Variants in GRM7 observed in about 807,000 individuals in gnomAD.
GRM7 encodes the protein glutamate metabotropic receptor 7.
GRM7 carries 35 observed loss-of-function variants against 84.5 expected under a neutral mutation model. That is an observed-to-expected ratio of 0.41 (90% confidence interval 0.32 to 0.55). The LOEUF is 0.55. GRM7 is among the 20% of genes least tolerant of loss of function. The pLI is 0.19. For synonymous variants in GRM7, 487 were observed against 455.1 expected, an observed-to-expected ratio of 1.07 and a Z score of -0.89; for missense variants, 1,003 against 1,194.6, an observed-to-expected ratio of 0.84 and a Z score of 2.36.
intron 4 of GRM7, among the ~76,000 whole-genome samples, chr3:7,409,637 G>T (rs1047942541): frequency 6.6e-6 from 1 of 152,084 alleles, no homozygotes; most frequent in African/African-American, 2.4e-5. Flanking sequence ...GTCCCGCTCT[G>T]TCGCCCAGGC....
rs552992656 is a variant in GRM7 at position 7,080,652 on chromosome 3, G to A, written c.520-65800G>A. 5.3e-5 allele frequency among the ~76,000 whole-genome samples: 8 copies of A among 151,144 alleles called. No individual in the cohort carries two copies. The South Asian group carries it at 1.5e-3, about 28-fold the overall frequency. Reference sequence around the variant, plus strand: ...GACATATATGTATATATGTGTGTATGCATATATATAAACACGCACATGTGT... The same window carrying A: ...GACATATATGTATATATGTGTGTATACATATATATAAACACGCACATGTGT... On this transcript the variant is annotated intron_variant, in intron 1 of 9. Coordinates refer to ENST00000357716, the MANE Select transcript of GRM7 (RefSeq NM_000844.4).
At chr3:7,067,997 G>A (rs1439962508) in intron 1 of GRM7, among the ~76,000 whole-genome samples, 1 of 151,870 alleles carries the variant, frequency 6.6e-6, no homozygotes, top group Non-Finnish European at 1.5e-5. Context: ...CAGAACAACT[G>A]CCATCCTGTA....
At chr3:7,664,591 A>G (rs181704254) in intron 8 of GRM7, among the ~76,000 whole-genome samples, 3 of 152,304 alleles carry the variant, frequency 2.0e-5, no homozygotes, top group East Asian at 1.9e-4. Context: ...TACACGTGCA[A>G]TGGTGGTTTA....
rs140574490 is a variant in GRM7, at chr3:7,237,565, C to T, written c.737-61119C>T. On this transcript the variant is annotated intron_variant, in intron 2 of 9. Coordinates refer to ENST00000357716, the MANE Select transcript of GRM7 (RefSeq NM_000844.4). ...GTTCCTTCTGATATTCAGATGTGTC[C>T]GGAGTTTCTTCCTTCTGGTGGGTTC... 4.2e-3 allele frequency among the ~76,000 whole-genome samples: 646 copies of T among 152,170 alleles called. 2 individuals carry two copies. Among genetic ancestry groups the T allele is most frequent in the African/African-American group, 0.015 (612 of 41,524 alleles).
At chr3:7,357,413 G>T (rs903479364) in intron 4 of GRM7, among the ~76,000 whole-genome samples, 1 of 151,866 alleles carries the variant, frequency 6.6e-6, no homozygotes, top group African/African-American at 2.4e-5. Flanking sequence ...CAGCAACCCA[G>T]CACCATAGAA....
chr3:7,339,213 C>T (rs529579742), intron 4 of GRM7, among the ~76,000 whole-genome samples: 2 of 152,122 alleles, frequency 1.3e-5, no homozygotes, highest in Non-Finnish European at 2.9e-5. Flanking sequence ...GTAGCAGTGG[C>T]CATTCAAAAT....
At chr3:7,333,026 G>A (rs1701269735) in intron 4 of GRM7, among the ~76,000 whole-genome samples, 1 of 152,048 alleles carries the variant, frequency 6.6e-6, no homozygotes, top group South Asian at 2.1e-4. Context: ...TCTTGAAAGT[G>A]CCACCTCCTG....
intron 1 of GRM7, among the ~76,000 whole-genome samples, chr3:7,091,129 T>G (rs1357765628): frequency 1.3e-5 from 2 of 152,130 alleles, no homozygotes; most frequent in East Asian, 3.9e-4. Context: ...ATATAAATTC[T>G]TTAGCTCTGC....
chr3:7,466,060 A>G (rs539841521), intron 7 of GRM7, among the ~76,000 whole-genome samples: 9 of 152,330 alleles, frequency 5.9e-5, no homozygotes, highest in African/African-American at 1.7e-4. Flanking sequence ...TAACCTCTAC[A>G]GAAACAACCC....
At chr3:7,247,795 G>C (rs1424923005) in intron 2 of GRM7, among the ~76,000 whole-genome samples, 1 of 151,776 alleles carries the variant, frequency 6.6e-6, no homozygotes, top group Non-Finnish European at 1.5e-5. Flanking sequence ...ATTCAGTAAG[G>C]AAAGGTCAAA....
chr3:7,581,331 G>T (rs1695240100), intron 8 of GRM7, among the ~76,000 whole-genome samples: 1 of 152,102 alleles, frequency 6.6e-6, no homozygotes, highest in South Asian at 2.1e-4. Flanking sequence ...CAAGCAGTGT[G>T]CTTTTTATAC....
chr3:6,968,722 T>A (rs942058819), intron 1 of GRM7, among the ~76,000 whole-genome samples: 1 of 152,122 alleles, frequency 6.6e-6, no homozygotes, highest in Non-Finnish European at 1.5e-5. Flanking sequence ...TCAGGAGAGT[T>A]TTTTATTGCA....
chr3:7,286,412 A>G (rs1197034253), intron 2 of GRM7, among the ~76,000 whole-genome samples: 1 of 152,178 alleles, frequency 6.6e-6, no homozygotes, highest in Admixed American at 6.5e-5. Flanking sequence ...TCTTGTGGGT[A>G]TTGCTCTGAT....
chr3:7,197,568 T>C (rs997798435), intron 2 of GRM7, among the ~76,000 whole-genome samples: 2 of 152,176 alleles, frequency 1.3e-5, no homozygotes, highest in Admixed American at 6.6e-5. Context: ...TCCATTCATA[T>C]AGACCTCTGT....
At chr3:7,647,695 T>C (rs1220743279) in intron 8 of GRM7, among the ~76,000 whole-genome samples, 1 of 152,034 alleles carries the variant, frequency 6.6e-6, no homozygotes, top group Non-Finnish European at 1.5e-5. Context: ...GCAGTGAAGG[T>C]TAAGTAGGCA....
intron 2 of GRM7, among the ~76,000 whole-genome samples, chr3:7,268,156 A>G (rs759506614): frequency 3.3e-5 from 5 of 152,200 alleles, no homozygotes; most frequent in Non-Finnish European, 5.9e-5. Flanking sequence ...TGTTTATTTA[A>G]CTAATTATTA....
Position 7,395,281 on chromosome 3 carries a change from T to C in GRM7, c.1034-19742T>C, listed in dbSNP as rs185919489. Among the ~76,000 whole-genome samples, 11 of 152,306 alleles carry C rather than the reference T, an allele frequency of 7.2e-5. No individual in the cohort carries two copies. The East Asian group carries it at 2.1e-3, about 29-fold the overall frequency. On this transcript the variant is annotated intron_variant, in intron 4 of 9. Transcript: ENST00000357716. ...ACATGTATCTATGATGATGTATCTATGATGATTCACATGTATCTACATTCA... is the reference window on the plus strand; with the variant it reads ...ACATGTATCTATGATGATGTATCTACGATGATTCACATGTATCTACATTCA...
intron 7 of GRM7, among the ~76,000 whole-genome samples, chr3:7,499,765 C>T (rs1699823320): frequency 6.6e-6 from 1 of 150,516 alleles, no homozygotes; most frequent in African/African-American, 2.5e-5. Flanking sequence ...GTAGAGTTGG[C>T]CTAGACACCA....
At chr3:7,146,384 C>T (rs894704196) in intron 1 of GRM7, 68 bp from the exon 2 acceptor site, 7 of 1,195,660 alleles carry the variant, frequency 5.9e-6, no homozygotes, top group Non-Finnish European at 8.7e-6. Flanking sequence ...AGTAAACTGT[C>T]ATAAGTATAA....
Sources: allele counts gnomAD v4.1 joint callset (sites outside exome capture counted in the v4.1 genomes callset), GRCh38; gene constraint gnomAD v4.1.1; transcripts MANE v1.5; gene names NCBI Gene and HGNC (gene_info 2026-07-23, HGNC 2026-07-21).